ANK3: variants seen among roughly 807,000 people sequenced by gnomAD.
The protein encoded by ANK3 is ankyrin 3, also known as ankyrin-3.
In ANK3, 57 loss-of-function variants were observed where a neutral mutation model predicts 370.9. That is an observed-to-expected ratio of 0.15 (90% CI 0.12 to 0.19). ANK3 has a LOEUF of 0.19. Among genes scored for constraint, ANK3 ranks in the 10% least tolerant of loss-of-function variants. ANK3 has a pLI of 1.00. For missense variants in ANK3, 4,439 were observed against 5,302.1 expected (o/e 0.84, Z 5.06); for synonymous variants, 1,929 against 1,946.3 (o/e 0.99, Z 0.23).
At chr10:60,458,920 T>TA (rs1222764922) in intron 2 of ANK3, among the ~76,000 whole-genome samples, 7 of 152,044 alleles carry the variant, frequency 4.6e-5, no homozygotes, top group Non-Finnish European at 4.4e-5. Flanking sequence ...GCATCACCTT[T>TA]AAAAAAAGAG....
intron 2 of ANK3, among the ~76,000 whole-genome samples, chr10:60,512,225 A>G (rs1211773685): frequency 6.6e-6 from 1 of 152,094 alleles, no homozygotes; most frequent in Non-Finnish European, 1.5e-5. Flanking sequence ...AACCATAAAA[A>G]CAGAATTGAA....
intron 1 of ANK3, among the ~76,000 whole-genome samples, chr10:60,650,240 G>A (rs1442546): frequency 0.68 from 102,913 of 151,976 alleles, 34,985 homozygotes; most frequent in South Asian, 0.83. Flanking sequence ...TGTAAACGAA[G>A]TTCTGTTGGA....
chr10:60,182,036 C>T (rs1313243534), intron 17 of ANK3, among the ~76,000 whole-genome samples: 1 of 151,908 alleles, frequency 6.6e-6, no homozygotes, highest in Non-Finnish European at 1.5e-5. Context: ...GACACTATAA[C>T]ATTTACCCCC....
intron 2 of ANK3, among the ~76,000 whole-genome samples, chr10:60,418,187 C>T (rs2063708211): frequency 6.6e-6 from 1 of 152,172 alleles, no homozygotes; most frequent in Admixed American, 6.5e-5. Flanking sequence ...GTCCAGGTCA[C>T]AGCCAGAATG....
chr10:60,263,831 T>C lies in ANK3; in HGVS notation c.699+4A>G. 1 of 1,613,654 alleles carries C rather than the reference T, an allele frequency of 6.2e-7. No homozygotes were observed. Among genetic ancestry groups the C allele is most frequent in the Non-Finnish European group, 8.5e-7 (1 of 1,179,982 alleles). Reference sequence around the variant, plus strand: ...ATGACAGGCCCGTGTCCCTCGTGCCTCACCTTTGATTCCACATCTGCATTG... The same window carrying C: ...ATGACAGGCCCGTGTCCCTCGTGCCCCACCTTTGATTCCACATCTGCATTG... On this transcript the variant is annotated splice_donor_region_variant and intron_variant, in intron 6 of 43. Coordinates refer to ENST00000280772, the MANE Select transcript of ANK3 (RefSeq NM_020987.5).
intron 1 of ANK3, among the ~76,000 whole-genome samples, chr10:60,358,778 C>A (rs2058169905): frequency 6.6e-6 from 1 of 152,212 alleles, no homozygotes; most frequent in Non-Finnish European, 1.5e-5. Context: ...CTGAGCCTAA[C>A]ACACACCAGC....
chr10:60,144,068 G>A, intron 23 of ANK3: 1 of 283,894 alleles, frequency 3.5e-6, no homozygotes, highest in South Asian at 2.9e-5. Flanking sequence ...CACCATCTTG[G>A]ACATCTGGTC....
chr10:60,139,342 A>G, intron 23 of ANK3: 1 of 432,048 alleles, frequency 2.3e-6, no homozygotes, highest in Non-Finnish European at 4.1e-6. Context: ...CATTACCCGT[A>G]TCCCTTTGCT....
At chr10:60,471,476 G>T (rs897454837) in intron 2 of ANK3, among the ~76,000 whole-genome samples, 10 of 152,030 alleles carry the variant, frequency 6.6e-5, no homozygotes, top group African/African-American at 2.4e-4. Flanking sequence ...ATGGCTGCCT[G>T]GTATTCAGTT....
intron 28 of ANK3, among the ~76,000 whole-genome samples, chr10:60,093,425 A>C (rs76751398): frequency 0.032 from 4,938 of 152,272 alleles, 267 homozygotes; most frequent in African/African-American, 0.11. Flanking sequence ...AGATTTCCTA[A>C]TTCTGCTTAT....
At chr10:60,327,653 C>T (rs367818480) in intron 1 of ANK3, among the ~76,000 whole-genome samples, 3 of 152,188 alleles carry the variant, frequency 2.0e-5, no homozygotes, top group South Asian at 2.1e-4. Context: ...AACTAGTAGA[C>T]GTTCCTCACT....
intron 7 of ANK3, among the ~76,000 whole-genome samples, chr10:60,241,485 T>C (rs978608980): frequency 3.3e-5 from 5 of 152,148 alleles, no homozygotes; most frequent in Non-Finnish European, 2.9e-5. Flanking sequence ...TCACCTATAT[T>C]ACAGGTAAGG....
chr10:60,128,332 C>T (rs1287847774), intron 25 of ANK3, among the ~76,000 whole-genome samples: 1 of 151,856 alleles, frequency 6.6e-6, no homozygotes, highest in Admixed American at 6.6e-5. Context: ...AAGCTGTGTC[C>T]CCGGGGGTGA....
chr10:60,610,258 T>A (rs1017387299), intron 2 of ANK3, among the ~76,000 whole-genome samples: 1 of 152,148 alleles, frequency 6.6e-6, no homozygotes, highest in African/African-American at 2.4e-5. Context: ...CTGCCTGTAA[T>A]CCCAGCACTT....
At chr10:60,643,520 C>G (rs1429975671) in intron 1 of ANK3, among the ~76,000 whole-genome samples, 1 of 151,764 alleles carries the variant, frequency 6.6e-6, no homozygotes, top group Admixed American at 6.6e-5. Flanking sequence ...ATCTATCTAT[C>G]TATCTATCTA....
At chr10:60,347,068 T>C (rs966123094) in intron 1 of ANK3, among the ~76,000 whole-genome samples, 3 of 150,524 alleles carry the variant, frequency 2.0e-5, no homozygotes, top group Non-Finnish European at 4.4e-5. Flanking sequence ...TATATATATA[T>C]ATATATTGCA....
At chr10:60,663,378 C>T (rs954762638) in intron 1 of ANK3, among the ~76,000 whole-genome samples, 2 of 152,168 alleles carry the variant, frequency 1.3e-5, no homozygotes, top group African/African-American at 4.8e-5. Flanking sequence ...TGTTTCCACC[C>T]AAGCAGCTCT....
In ANK3 at chr10:60,073,261, T is replaced by C; in HGVS notation, c.7620A>G (p.Thr2540=). ...TAACATTGCCAGAATAGTGCAACACTGTCACTTTATCAAAATGCTCATCTT... is the reference window on the plus strand; with the variant it reads ...TAACATTGCCAGAATAGTGCAACACCGTCACTTTATCAAAATGCTCATCTT... ...VSKDEHFDKV[T]VLHYSGNVSS... The change falls in exon 37 of 44, where the codon ACA becomes ACG. Residue 2540 remains threonine, a synonymous_variant. Coordinates refer to ENST00000280772, the MANE Select transcript of ANK3 (RefSeq NM_020987.5). 6.2e-7 allele frequency: 1 copy of C among 1,614,144 alleles called. No individual in the cohort carries two copies. Among genetic ancestry groups the C allele is most frequent in the Non-Finnish European group, 8.5e-7 (1 of 1,180,014 alleles).
intron 1 of ANK3, among the ~76,000 whole-genome samples, chr10:60,308,424 C>T (rs1251429754): frequency 1.3e-5 from 2 of 151,144 alleles, no homozygotes; most frequent in East Asian, 2.0e-4. Flanking sequence ...TACAGGCGTG[C>T]ACCAGCACGC....
Sources: gnomAD v4.1 joint callset for allele counts (sites outside exome capture counted in the v4.1 genomes callset) on GRCh38, gnomAD v4.1.1 for gene constraint, MANE v1.5 for transcripts, NCBI Gene and HGNC (gene_info 2026-07-23, HGNC 2026-07-21) for gene names.